The following MRPS5 variants were observed in gnomAD, a reference collection of about 807,000 sequenced individuals.
MRPS5 encodes mitochondrial ribosomal protein S5.
Under a neutral mutation model 51.9 loss-of-function variants are expected in MRPS5, and 27 were observed. The ratio of observed to expected loss-of-function variants is 0.52; its 90% CI spans 0.38 to 0.72. The LOEUF is 0.72. Ranked by LOEUF, MRPS5 falls within the 30% of genes least tolerant of loss-of-function variation. MRPS5 has a pLI of 0.00. For missense variants in MRPS5, 570 were observed against 545.7 expected, an observed-to-expected ratio of 1.04 and a Z score of -0.44; for synonymous variants, 196 against 193.2, an observed-to-expected ratio of 1.01 and a Z score of -0.12.
At chr2:95,093,233 C>T (rs1041586399) in intron 10 of MRPS5, 4 of 150,302 alleles carry the variant, frequency 2.7e-5, no homozygotes, top group African/African-American at 9.7e-5. Context: ...CCCACCGCAG[C>T]TCAATGAGGC....
At chr2:95,089,008 A>T (rs186964425) in intron 11 of MRPS5, among the ~76,000 whole-genome samples, 1 of 152,324 alleles carries the variant, frequency 6.6e-6, no homozygotes, top group African/African-American at 2.4e-5. Context: ...CGGAGGTTGC[A>T]GTGAGCTGAG....
chr2:95,095,352 G>T (rs1675592971), intron 10 of MRPS5, among the ~76,000 whole-genome samples: 1 of 150,966 alleles, frequency 6.6e-6, no homozygotes, highest in African/African-American at 2.4e-5. Flanking sequence ...CCAGGAAGCA[G>T]ACCTAATAGA....
Position 95,111,558 on chromosome 2 carries a change from A to C in MRPS5, c.278-1517T>G, listed in dbSNP as rs540231667. Among the ~76,000 whole-genome samples the C allele has an allele frequency of 5.9e-5, 9 of 152,314 alleles. No individual in the cohort carries two copies. In the East Asian group the frequency reaches 1.7e-3, roughly 29 times the overall value. ...TAAGAGGAAAATAAAATATCTAACT[A>C]TATTTGAAAAAGACAGCAAGTCATT... On this transcript the variant is annotated intron_variant, in intron 3 of 11. Coordinates refer to ENST00000272418, the MANE Select transcript of MRPS5 (RefSeq NM_031902.5).
chr2:95,088,069 G>A (rs56335271), intron 11 of MRPS5, among the ~76,000 whole-genome samples: 72 of 151,738 alleles, frequency 4.7e-4, no homozygotes, highest in African/African-American at 1.5e-3. Context: ...CTATTTAAAA[G>A]GCATAGCAAA....
In MRPS5 at chr2:95,106,427, A is replaced by G; in HGVS notation, c.668T>C (p.Leu223Pro). The change falls in exon 6 of 12, where the codon CTT becomes CCT. Residue 223 changes from leucine to proline, a missense_variant. Transcript: ENST00000272418. ...ETYEDFDTRI[L>P]EVRNVFTMTA... is the part of the protein sequence containing the mutation. ...TATTTAATTCTGCATGCCTACCTCAAGTATCCTGGTATCAAAATCCTCATA... is the reference window on the plus strand; with the variant it reads ...TATTTAATTCTGCATGCCTACCTCAGGTATCCTGGTATCAAAATCCTCATA... 6.2e-7 allele frequency: 1 copy of G among 1,612,596 alleles called. No individual in the cohort carries two copies. The highest frequency in any genetic ancestry group is 8.5e-7 in the Non-Finnish European group (1 of 1,178,766).
In MRPS5 at chr2:95,104,591, C is replaced by T. The variant is rs202241055; in HGVS notation, c.763+49G>A. On this transcript the variant is annotated intron_variant, in intron 7 of 11. Coordinates refer to ENST00000272418, the MANE Select transcript of MRPS5 (RefSeq NM_031902.5). ...GCTCCACAGCATGGCCCGTGCCACG[C>T]CTTTCCCTGCACACCACCGCCACTG... The T allele has an allele frequency of 2.0e-5, 32 of 1,593,738 alleles. No individual in the cohort carries two copies. In the East Asian group the frequency reaches 6.7e-4, roughly 33 times the overall value.
At chr2:95,111,769 G>A (rs900796509) in intron 3 of MRPS5, among the ~76,000 whole-genome samples, 2 of 151,952 alleles carry the variant, frequency 1.3e-5, no homozygotes, top group African/African-American at 4.8e-5. Context: ...ATATATTTAA[G>A]CAGAATTATA....
chr2:95,116,182 C>A (rs1187853143), intron 2 of MRPS5, among the ~76,000 whole-genome samples: 2 of 151,740 alleles, frequency 1.3e-5, no homozygotes, highest in African/African-American at 2.4e-5. Context: ...GGGATTACAG[C>A]TATGAGCCAT....
intron 7 of MRPS5, among the ~76,000 whole-genome samples, chr2:95,102,125 A>T (rs1264047157): frequency 6.6e-6 from 1 of 151,542 alleles, no homozygotes; most frequent in Admixed American, 6.6e-5. Context: ...GTGCCACTGC[A>T]CTCCAGATAG....
chr2:95,106,295 G>A (rs549136982), intron 6 of MRPS5, 128 bp downstream of exon 6: 2 of 786,798 alleles, frequency 2.5e-6, no homozygotes, highest in Non-Finnish European at 4.4e-6. Context: ...TCCTTACGCA[G>A]ATCAGCTGTG....
At chr2:95,121,663 C>A (rs1371483045) in intron 1 of MRPS5, 71 bp downstream of exon 1, 2 of 1,482,862 alleles carry the variant, frequency 1.3e-6, no homozygotes, top group Admixed American at 4.1e-5. Flanking sequence ...GCCCCGACTT[C>A]TGCAGGCCCC....
chr2:95,094,687 T>C (rs189949174), intron 10 of MRPS5, among the ~76,000 whole-genome samples: 1 of 152,254 alleles, frequency 6.6e-6, no homozygotes, highest in East Asian at 1.9e-4. Flanking sequence ...TACTGAGAGA[T>C]TCTGTCACTA....
chr2:95,098,461 C>G (rs1292843186), intron 10 of MRPS5, among the ~76,000 whole-genome samples: 6 of 152,146 alleles, frequency 3.9e-5, no homozygotes, highest in African/African-American at 1.4e-4. Flanking sequence ...CAATGATAGA[C>G]TGGATTAAGA....
At chr2:95,094,643 G>T (rs1675568262) in intron 10 of MRPS5, among the ~76,000 whole-genome samples, 1 of 152,146 alleles carries the variant, frequency 6.6e-6, no homozygotes, top group Admixed American at 6.5e-5. Context: ...CTTCATAAGT[G>T]AAGGAGAAAT....
chr2:95,121,737 C>G lies in MRPS5; in HGVS notation c.55G>C (p.Ala19Pro). ...CTCCCGGCGTCCCAGCTCTCACCTG[C>G]CGTCCCGCTACACAGCACGGGGAGG... ...GCLPVLCSGT[A>P]GHLLGRQCSL... The change falls in exon 1 of 12, where the codon GCA (alanine) becomes CCA (proline). Residue 19 changes from alanine (A) to proline (P), a missense_variant. Physicochemically the swap from Ala to Pro is conservative, Grantham distance 27 (BLOSUM62 -1). Transcript: ENST00000272418. The G allele has an allele frequency of 6.5e-7, 1 of 1,546,982 alleles. No homozygotes were observed. Among genetic ancestry groups the G allele is most frequent in the Non-Finnish European group, 8.7e-7 (1 of 1,154,836 alleles).
intron 7 of MRPS5, among the ~76,000 whole-genome samples, chr2:95,103,534 A>T (rs1276092626): frequency 1.3e-5 from 2 of 152,256 alleles, no homozygotes; most frequent in Non-Finnish European, 2.9e-5. Context: ...ATTTATCAGC[A>T]CTTAAAATAC....
rs1384707404 is a variant in MRPS5, at chr2:95,112,189, C to T, written c.278-2148G>A. On this transcript the variant is annotated intron_variant, in intron 3 of 11. Transcript: ENST00000272418. The stretch of plus-strand genomic sequence containing the variant: ...AAGAGATTCTCCTGCCTCAGCCTCC[C>T]GAGTAGCTGGGATTACAGGTGCCTG... 6.6e-5 allele frequency among the ~76,000 whole-genome samples: 10 copies of T among 152,164 alleles called. No homozygotes were observed. In the East Asian group the frequency reaches 7.7e-4, roughly 12 times the overall value.
chr2:95,112,084 G>A (rs1443886192), intron 3 of MRPS5, among the ~76,000 whole-genome samples: 1 of 151,528 alleles, frequency 6.6e-6, no homozygotes, highest in Admixed American at 6.6e-5. Flanking sequence ...TTTTTTTGGA[G>A]ATGGAGTCTC....
At chr2:95,107,388 C>T (rs2104416317) in intron 5 of MRPS5, among the ~76,000 whole-genome samples, 1 of 152,328 alleles carries the variant, frequency 6.6e-6, no homozygotes, top group East Asian at 1.9e-4. Flanking sequence ...ACCCCACAGG[C>T]TCACCTGATT....
Sources: allele counts gnomAD v4.1 joint callset (sites outside exome capture counted in the v4.1 genomes callset), GRCh38; gene constraint gnomAD v4.1.1; transcripts MANE v1.5; gene names NCBI Gene and HGNC (gene_info 2026-07-23, HGNC 2026-07-21).